Variants in NME7 observed in about 807,000 individuals in gnomAD.
The protein encoded by NME7 is NME/NM23 family member 7.
In NME7, 41 loss-of-function variants were observed where a neutral mutation model predicts 49.1. The observed-to-expected ratio is 0.83, with a 90% CI of 0.65 to 1.08. The LOEUF (loss-of-function observed/expected upper bound fraction) is 1.08, where lower values mean the gene tolerates loss of function less well. Among genes scored for constraint, NME7 ranks in the 50% least tolerant of loss-of-function variants. The pLI, the probability that NME7 is intolerant of heterozygous loss-of-function variation, is 0.00. For synonymous variants in NME7, 139 were observed against 150.6 expected, an observed-to-expected ratio of 0.92 and a Z score of 0.56; for missense variants, 423 against 463.4, an observed-to-expected ratio of 0.91 and a Z score of 0.80.
At chr1:169,350,588 T>G (rs1653136034) in intron 1 of NME7, among the ~76,000 whole-genome samples, 1 of 151,946 alleles carries the variant, frequency 6.6e-6, no homozygotes, top group African/African-American at 2.4e-5. Context: ...TCTTTATTGG[T>G]CCTGGATTTC....
chr1:169,139,088 A>G (rs1406947062), intron 11 of NME7, among the ~76,000 whole-genome samples: 1 of 152,182 alleles, frequency 6.6e-6, no homozygotes, highest in African/African-American at 2.4e-5. Context: ...TAATGATTAA[A>G]AAGGTATTCT....
At position 169,170,218 on chromosome 1, in the gene NME7, A is replaced by G. The variant is rs1659541780; in HGVS notation, c.991-664T>C. ...GGAGGAGAGGGGGCTATAGTGATTG[A>G]TAATGATCAGTTTTAAGGCATAACC... On this transcript the variant is annotated intron_variant, in intron 10 of 11. Transcript: ENST00000367811. Among the ~76,000 whole-genome samples the G allele has an allele frequency of 2.0e-5, 3 of 152,306 alleles. No individual in the cohort carries two copies. In the South Asian group the frequency reaches 6.2e-4, roughly 32 times the overall value.
chr1:169,161,883 G>A (rs780180964), intron 11 of NME7, among the ~76,000 whole-genome samples: 13 of 152,192 alleles, frequency 8.5e-5, no homozygotes, highest in Non-Finnish European at 1.5e-4. Flanking sequence ...TGGTCCAGAG[G>A]TCACAAGATT....
chr1:169,365,162 C>T (rs1236799880), intron 1 of NME7, among the ~76,000 whole-genome samples: 1 of 152,166 alleles, frequency 6.6e-6, no homozygotes, highest in Non-Finnish European at 1.5e-5. Flanking sequence ...CACAGGAAGA[C>T]AGTTTGGAAA....
chr1:169,344,177 T>G (rs1343452942), intron 1 of NME7, among the ~76,000 whole-genome samples: 2 of 152,216 alleles, frequency 1.3e-5, no homozygotes, highest in African/African-American at 2.4e-5. Flanking sequence ...TTTCTTAATC[T>G]CTTTTTCAGA....
At chr1:169,244,139 G>C (rs1394310942) in intron 7 of NME7, among the ~76,000 whole-genome samples, 1 of 151,974 alleles carries the variant, frequency 6.6e-6, no homozygotes, top group African/African-American at 2.4e-5. Flanking sequence ...TAACAGAGAT[G>C]GTTATAGAAT....
intron 7 of NME7, among the ~76,000 whole-genome samples, chr1:169,277,416 A>G (rs887269460): frequency 7.4e-6 from 1 of 135,892 alleles, no homozygotes; most frequent in Admixed American, 7.6e-5. Context: ...CTTCTTGTTG[A>G]ATTGATCCCT....
intron 10 of NME7, among the ~76,000 whole-genome samples, chr1:169,215,431 G>A (rs916321476): frequency 4.6e-5 from 7 of 152,166 alleles, no homozygotes; most frequent in Non-Finnish European, 1.0e-4. Flanking sequence ...CTCACTTTGG[G>A]CCACGGGTTT....
At chr1:169,353,820 T>C (rs1653278065) in intron 1 of NME7, among the ~76,000 whole-genome samples, 1 of 152,028 alleles carries the variant, frequency 6.6e-6, no homozygotes, top group African/African-American at 2.4e-5. Context: ...TCATTGATCA[T>C]GAGAAAAATG....
At chr1:169,325,577 A>G (rs1450399884) in intron 1 of NME7, among the ~76,000 whole-genome samples, 1 of 152,170 alleles carries the variant, frequency 6.6e-6, no homozygotes, top group Non-Finnish European at 1.5e-5. Flanking sequence ...AAAGATCTTC[A>G]TTATAATAAG....
intron 10 of NME7, among the ~76,000 whole-genome samples, chr1:169,218,609 A>T (rs1661045526): frequency 1.3e-5 from 2 of 151,964 alleles, no homozygotes; most frequent in South Asian, 4.2e-4. Flanking sequence ...AGCAAAGAAA[A>T]AATAATAGTA....
At chr1:169,203,988 C>T (rs760480547) in intron 10 of NME7, among the ~76,000 whole-genome samples, 1 of 152,004 alleles carries the variant, frequency 6.6e-6, no homozygotes, top group Non-Finnish European at 1.5e-5. Flanking sequence ...TCCCAAGTAG[C>T]TGGGACTACA....
rs1229651243 is a variant in NME7 at position 169,274,867 on chromosome 1, T to C, written c.754+12436A>G. On this transcript the variant is annotated intron_variant, in intron 7 of 11. Coordinates refer to ENST00000367811, the MANE Select transcript of NME7 (RefSeq NM_013330.5). ...CAGTACCATGCTGTTTTGGTTACTG[T>C]AGCCTTGTAGTATAGTTTGAAGTCA... Among the ~76,000 whole-genome samples the C allele has an allele frequency of 2.2e-5, 3 of 133,924 alleles. 1 individual carries two copies. Among genetic ancestry groups the C allele is most frequent in the Non-Finnish European group, 5.3e-5 (3 of 57,024 alleles). 87.9% of individuals were successfully genotyped at this position (133,924 alleles called of 152,430 possible).
chr1:169,262,397 C>A (rs1649192172), intron 7 of NME7, among the ~76,000 whole-genome samples: 1 of 133,972 alleles, frequency 7.5e-6, no homozygotes, highest in African/African-American at 2.5e-5. Flanking sequence ...TCTTTTTAGC[C>A]TCTATTTCTT....
At chr1:169,215,313 G>C (rs1424100450) in intron 10 of NME7, among the ~76,000 whole-genome samples, 1 of 152,086 alleles carries the variant, frequency 6.6e-6, no homozygotes, top group Non-Finnish European at 1.5e-5. Flanking sequence ...CAGGATGGGG[G>C]GCAGGGTAAG....
chr1:169,325,533 C>G (rs1259210544), intron 1 of NME7, among the ~76,000 whole-genome samples: 1 of 151,752 alleles, frequency 6.6e-6, no homozygotes, highest in African/African-American at 2.4e-5. Context: ...GCAGGACTTC[C>G]CATCATATAT....
chr1:169,142,426 T>G (rs1658622300), intron 11 of NME7, among the ~76,000 whole-genome samples: 1 of 152,216 alleles, frequency 6.6e-6, no homozygotes, highest in Non-Finnish European at 1.5e-5. Context: ...AGTAAAACGA[T>G]GCTTGATGAC....
At chr1:169,352,157 CT>C (rs1200203541) in intron 1 of NME7, among the ~76,000 whole-genome samples, 1 of 151,834 alleles carries the variant, frequency 6.6e-6, no homozygotes, top group Admixed American at 6.6e-5. Context: ...AACAATATCT[CT>C]AATATTGATG....
intron 10 of NME7, among the ~76,000 whole-genome samples, chr1:169,180,411 G>A (rs1338080413): frequency 1.3e-5 from 2 of 152,152 alleles, no homozygotes; most frequent in African/African-American, 4.8e-5. Flanking sequence ...ACAGATATGG[G>A]TAACTTGGTT....
Sources: gnomAD v4.1 joint callset for allele counts (sites outside exome capture counted in the v4.1 genomes callset) on GRCh38, gnomAD v4.1.1 for gene constraint, MANE v1.5 for transcripts, NCBI Gene and HGNC (gene_info 2026-07-23, HGNC 2026-07-21) for gene names.